The following SGCD variants were observed in gnomAD, a reference collection of about 807,000 sequenced individuals.
The protein encoded by SGCD is delta-sarcoglycan.
A neutral mutation model predicts 36.6 loss-of-function variants in SGCD; 18 were observed. The ratio of observed to expected loss-of-function variants is 0.49; its 90% CI spans 0.34 to 0.73. SGCD has a LOEUF of 0.73. Among genes scored for constraint, SGCD ranks in the 30% least tolerant of loss-of-function variants. The pLI is 0.01. For synonymous variants in SGCD, 133 were observed against 130.6 expected (o/e 1.02, Z -0.12); for missense variants, 387 against 346.7 (o/e 1.12, Z -0.92).
chr5:156,404,224 T>C (rs575585664), intron 3 of SGCD, among the ~76,000 whole-genome samples: 27 of 152,232 alleles, frequency 1.8e-4, no homozygotes, highest in Non-Finnish European at 3.7e-4. Flanking sequence ...GGCTTACCTG[T>C]ATTATGTGTA....
chr5:156,374,323 T>C (rs556772899), intron 3 of SGCD, among the ~76,000 whole-genome samples: 2 of 152,312 alleles, frequency 1.3e-5, no homozygotes, highest in South Asian at 2.1e-4. Flanking sequence ...CTAGGGTTTT[T>C]AGATCTTCCA....
At chr5:156,009,169 T>C (rs1758810318) in intron 1 of SGCD, among the ~76,000 whole-genome samples, 1 of 152,182 alleles carries the variant, frequency 6.6e-6, no homozygotes. Flanking sequence ...AAACATTTAT[T>C]GACACAGTGA....
chr5:156,284,143 T>A lies in SGCD; in HGVS notation c.-43-45391T>A, dbSNP rs112476300. Among the ~76,000 whole-genome samples, 71 of 152,258 alleles carry A rather than the reference T, an allele frequency of 4.7e-4. 1 individual carries two copies. Among genetic ancestry groups the A allele is most frequent in the African/African-American group, 1.7e-3 (69 of 41,576 alleles). On this transcript the variant is annotated intron_variant, in intron 3 of 9. Coordinates refer to the SGCD transcript ENST00000517913. Reference sequence around the variant, plus strand: ...ACCAGGAAGAAGTTGAATCTCTTAATAGACCAATAACAGGCTCTGAAATTG... The same window carrying A: ...ACCAGGAAGAAGTTGAATCTCTTAAAAGACCAATAACAGGCTCTGAAATTG...
At chr5:155,954,617 GC>G (rs1757612312) in intron 1 of SGCD, among the ~76,000 whole-genome samples, 1 of 151,220 alleles carries the variant, frequency 6.6e-6, no homozygotes, top group Non-Finnish European at 1.5e-5. Flanking sequence ...GCAAGGCATG[GC>G]TTTTTTGTCT....
intron 1 of SGCD, among the ~76,000 whole-genome samples, chr5:156,022,967 A>G (rs570747436): frequency 7.2e-5 from 11 of 152,236 alleles, no homozygotes; most frequent in Non-Finnish European, 1.6e-4. Context: ...TCCCAGCTAA[A>G]AAGCTCATCA....
intron 3 of SGCD, among the ~76,000 whole-genome samples, chr5:156,501,888 C>T (rs936177821): frequency 5.3e-5 from 8 of 152,280 alleles, no homozygotes; most frequent in African/African-American, 1.7e-4. Flanking sequence ...GGACAGCGCT[C>T]ATTCAGTCAA....
chr5:155,932,207 C>T (rs1467555518), intron 1 of SGCD, among the ~76,000 whole-genome samples: 1 of 152,200 alleles, frequency 6.6e-6, no homozygotes, highest in Non-Finnish European at 1.5e-5. Context: ...CTGTCATGTA[C>T]TCCCACAGCA....
intron 3 of SGCD, among the ~76,000 whole-genome samples, chr5:156,354,639 A>G (rs181605978): frequency 1.4e-4 from 21 of 152,348 alleles, no homozygotes; most frequent in Admixed American, 1.1e-3. Context: ...TTGTCTTTGT[A>G]TATCACACAT....
chr5:156,362,721 C>G (rs958942224), intron 3 of SGCD, among the ~76,000 whole-genome samples: 2 of 152,106 alleles, frequency 1.3e-5, no homozygotes, highest in Admixed American at 1.3e-4. Context: ...CTGGGATGGA[C>G]CACTATGGAG....
At chr5:156,558,001 C>T (rs1222362362) in intron 4 of SGCD, among the ~76,000 whole-genome samples, 1 of 147,902 alleles carries the variant, frequency 6.8e-6, no homozygotes, top group African/African-American at 2.5e-5. Context: ...ATTCCCAGTG[C>T]CTAATATTAA....
intron 4 of SGCD, among the ~76,000 whole-genome samples, chr5:156,533,646 CTCTTT>C (rs144905623): frequency 4.6e-5 from 7 of 152,232 alleles, no homozygotes; most frequent in African/African-American, 1.7e-4. Context: ...ATAAGAGTGA[CTCTTT>C]TCTTAGGTTT....
chr5:156,733,097 G>T (rs537018896), intron 7 of SGCD, among the ~76,000 whole-genome samples: 40 of 151,820 alleles, frequency 2.6e-4, no homozygotes, highest in African/African-American at 8.4e-4. Flanking sequence ...TTTGAGATTT[G>T]CTAGCTTTGA....
At chr5:156,274,877 A>T (rs1766276985) in intron 3 of SGCD, among the ~76,000 whole-genome samples, 1 of 152,054 alleles carries the variant, frequency 6.6e-6, no homozygotes, top group South Asian at 2.1e-4. Flanking sequence ...GTCTGCAAGG[A>T]GTTGCAAGCT....
chr5:156,492,314 T>C (rs969328771), intron 3 of SGCD, among the ~76,000 whole-genome samples: 21 of 152,126 alleles, frequency 1.4e-4, no homozygotes, highest in African/African-American at 4.8e-4. Context: ...ATTTTTATCA[T>C]AAGGAATTGG....
At chr5:156,744,228 TTTCCCAAAATCC>T (rs758239010) in intron 7 of SGCD, among the ~76,000 whole-genome samples, 4 of 152,338 alleles carry the variant, frequency 2.6e-5, no homozygotes, top group Admixed American at 6.5e-5. Flanking sequence ...TGGAACAACA[TTTCCCAAAATCC>T]TTCCCTGAGT....
chr5:155,886,104 A>C (rs1310459017), intron 1 of SGCD, among the ~76,000 whole-genome samples: 1 of 152,164 alleles, frequency 6.6e-6, no homozygotes, highest in Non-Finnish European at 1.5e-5. Flanking sequence ...ATTTGTGCAA[A>C]ATTATTTACT....
intron 3 of SGCD, among the ~76,000 whole-genome samples, chr5:156,202,515 T>C (rs1331029231): frequency 6.6e-6 from 1 of 152,086 alleles, no homozygotes; most frequent in Non-Finnish European, 1.5e-5. Flanking sequence ...TGACCCTCAA[T>C]GATCAAAGAA....
At chr5:155,809,163 AG>A in the SGCD span, among the ~76,000 whole-genome samples, 1 of 152,232 alleles carries the variant, frequency 6.6e-6, no homozygotes, top group African/African-American at 2.4e-5. Context: ...GGAGAAGACC[AG>A]GCACAGTGTC....
chr5:155,949,431 GAGTT>G (rs1260997028), intron 1 of SGCD, among the ~76,000 whole-genome samples: 1 of 152,116 alleles, frequency 6.6e-6, no homozygotes, highest in African/African-American at 2.4e-5. Flanking sequence ...ACAAAACTGT[GAGTT>G]AGGCATTATA....
Sources: allele counts gnomAD v4.1 joint callset (sites outside exome capture counted in the v4.1 genomes callset), GRCh38; gene constraint gnomAD v4.1.1; transcripts MANE v1.5; gene names NCBI Gene and HGNC (gene_info 2026-07-23, HGNC 2026-07-21).